Variants in RALYL observed in about 807,000 individuals in gnomAD.
RALYL encodes the protein RALY RNA binding protein like.
In RALYL, 29 loss-of-function variants were observed where a neutral mutation model predicts 35.1. The ratio of observed to expected loss-of-function variants is 0.83; its 90% CI spans 0.61 to 1.13. The LOEUF (loss-of-function observed/expected upper bound fraction) is 1.13. Ranked by LOEUF, RALYL falls within the 50% of genes most tolerant of loss-of-function variation. The pLI is 0.00. For synonymous variants in RALYL, 120 were observed against 127.6 expected (o/e 0.94, Z 0.40); for missense variants, 359 against 360.4 (o/e 1.00, Z 0.03).
Position 84,183,826 on chromosome 8 carries a change from C to T in RALYL, c.-622C>T, listed in dbSNP as rs1270334500. The T allele has an allele frequency of 6.6e-6, 1 of 152,464 alleles. No individual in the cohort carries two copies. The highest frequency in any genetic ancestry group is 1.5e-5 in the Non-Finnish European group (1 of 68,026). 9.4% of individuals were successfully genotyped at this position (152,464 alleles called of 1,614,324 possible). A position where few individuals can be genotyped will look rare whatever the true frequency, so the allele number is the denominator to read the frequency against. ...GCGACCGTGCCCGCTGGGAGCGTCT[C>T]CCAAGTCCAGCAAAATGTGCAACTG... On this transcript the variant is annotated 5_prime_UTR_variant, in exon 1 of 9. Transcript: ENST00000521268.
At chr8:84,289,776 AT>A (rs549784177) in intron 1 of RALYL, among the ~76,000 whole-genome samples, 48 of 152,068 alleles carry the variant, frequency 3.2e-4, no homozygotes, top group Admixed American at 2.6e-3. Flanking sequence ...AGTTTTCTAC[AT>A]TTTTTTATAC....
chr8:84,885,777 T>G (rs567254392), intron 7 of RALYL, among the ~76,000 whole-genome samples: 1 of 152,274 alleles, frequency 6.6e-6, no homozygotes, highest in East Asian at 1.9e-4. Context: ...GCCCCATGAG[T>G]GTTGTTCTGT....
intron 1 of RALYL, among the ~76,000 whole-genome samples, chr8:84,423,184 A>C (rs1331012809): frequency 6.6e-6 from 1 of 151,208 alleles, no homozygotes; most frequent in African/African-American, 2.5e-5. Flanking sequence ...GTGGGAGTCT[A>C]AGTCTCTTTG....
intron 2 of RALYL, among the ~76,000 whole-genome samples, chr8:84,677,197 G>T (rs1489076382): frequency 6.6e-6 from 1 of 152,148 alleles, no homozygotes; most frequent in African/African-American, 2.4e-5. Flanking sequence ...AGCCTTCAAA[G>T]CTAAACTTGT....
At chr8:84,374,591 G>A (rs1856553478) in intron 1 of RALYL, among the ~76,000 whole-genome samples, 1 of 151,718 alleles carries the variant, frequency 6.6e-6, no homozygotes, top group African/African-American at 2.4e-5. Flanking sequence ...TGGAGCTGGA[G>A]GCAAACTAAT....
chr8:84,426,784 A>G (rs548720023), intron 1 of RALYL, among the ~76,000 whole-genome samples: 6 of 152,310 alleles, frequency 3.9e-5, no homozygotes, highest in South Asian at 2.1e-4. Context: ...CAGGATGGCT[A>G]TTATCTATAA....
intron 7 of RALYL, among the ~76,000 whole-genome samples, chr8:84,887,392 A>C (rs534574253): frequency 1.1e-4 from 17 of 152,222 alleles, no homozygotes; most frequent in Non-Finnish European, 1.6e-4. Context: ...TAATTCTGTT[A>C]AATAAATATG....
chr8:84,519,854 T>TTACAG (rs1325509953), intron 1 of RALYL, among the ~76,000 whole-genome samples: 6 of 152,206 alleles, frequency 3.9e-5, no homozygotes, highest in Non-Finnish European at 7.3e-5. Context: ...AAATGGGTTT[T>TTACAG]GATTTTTACA....
chr8:84,744,086 G>A (rs566842924), intron 2 of RALYL, among the ~76,000 whole-genome samples: 20 of 152,076 alleles, frequency 1.3e-4, no homozygotes, highest in African/African-American at 4.8e-4. Context: ...GGTTAAAGTA[G>A]CAACTTTTGT....
rs186618301 is a variant in RALYL, at chr8:84,754,500, T to C, written c.257-20079T>C. On this transcript the variant is annotated intron_variant, in intron 2 of 8. Coordinates refer to ENST00000521268, the MANE Select transcript of RALYL (RefSeq NM_173848.7). The stretch of plus-strand genomic sequence containing the variant: ...TTTCACTTCTCCAGGTAGCATCAGA[T>C]AAGCTGCAAGATTAAGTATAAATGC... Among the ~76,000 whole-genome samples the C allele has an allele frequency of 2.6e-5, 4 of 152,314 alleles. No homozygotes were observed. In the East Asian group the frequency reaches 7.7e-4, roughly 29 times the overall value.
chr8:84,530,300 C>T (rs184448894), intron 2 of RALYL, among the ~76,000 whole-genome samples: 12 of 152,068 alleles, frequency 7.9e-5, no homozygotes, highest in Non-Finnish European at 1.5e-4. Context: ...AATGATTCCT[C>T]AATTTATGTT....
intron 1 of RALYL, among the ~76,000 whole-genome samples, chr8:84,511,888 C>A (rs1477684610): frequency 1.3e-5 from 2 of 152,128 alleles, no homozygotes; most frequent in Non-Finnish European, 2.9e-5. Context: ...CTTTTTATGG[C>A]TAGATAGTAT....
intron 2 of RALYL, among the ~76,000 whole-genome samples, chr8:84,739,253 T>C (rs1289458600): frequency 2.6e-5 from 4 of 151,978 alleles, no homozygotes; most frequent in Non-Finnish European, 5.9e-5. Context: ...ATGCTTTTGT[T>C]GGTTCATAAA....
At chr8:84,419,383 T>C (rs1174388937) in intron 1 of RALYL, among the ~76,000 whole-genome samples, 2 of 152,130 alleles carry the variant, frequency 1.3e-5, no homozygotes. Flanking sequence ...GTTTCCTTTG[T>C]TCTGCCTGGA....
At chr8:84,426,471 T>TGGGGG (rs941642595) in intron 1 of RALYL, among the ~76,000 whole-genome samples, 1 of 147,608 alleles carries the variant, frequency 6.8e-6, no homozygotes. Flanking sequence ...TGTGTGTGTG[T>TGGGGG]GTGGGTTTAG....
chr8:84,303,109 A>G (rs936844787), intron 1 of RALYL, among the ~76,000 whole-genome samples: 11 of 152,220 alleles, frequency 7.2e-5, no homozygotes, highest in Admixed American at 1.3e-4. Context: ...ATATGTGTCT[A>G]TCTCTCACTA....
At chr8:84,354,147 A>T (rs542475166) in intron 1 of RALYL, among the ~76,000 whole-genome samples, 2 of 149,926 alleles carry the variant, frequency 1.3e-5, no homozygotes, top group East Asian at 1.9e-4. Flanking sequence ...TAAGAATTAC[A>T]ATTTGCATAA....
intron 2 of RALYL, among the ~76,000 whole-genome samples, chr8:84,747,513 A>C (rs1236470405): frequency 6.6e-6 from 1 of 151,910 alleles, no homozygotes; most frequent in African/African-American, 2.4e-5. Flanking sequence ...TATGACATTA[A>C]ATATGTAACT....
At position 84,863,625 on chromosome 8, in the gene RALYL, C is replaced by T. The variant is rs549435188; in HGVS notation, c.571+1172C>T. On this transcript the variant is annotated intron_variant, in intron 6 of 8. Coordinates refer to ENST00000521268, the MANE Select transcript of RALYL (RefSeq NM_173848.7). Reference sequence around the variant, plus strand: ...AGTTCTTATGCCTATGTGCTATCTGCTGTAGAACACTGCCTTTTATTTCAG... The same window carrying T: ...AGTTCTTATGCCTATGTGCTATCTGTTGTAGAACACTGCCTTTTATTTCAG... Among the ~76,000 whole-genome samples the T allele has an allele frequency of 5.3e-5, 8 of 152,280 alleles. No individual in the cohort carries two copies. The East Asian group carries it at 1.5e-3, about 29-fold the overall frequency.
Sources: allele counts gnomAD v4.1 joint callset (sites outside exome capture counted in the v4.1 genomes callset), GRCh38; gene constraint gnomAD v4.1.1; transcripts MANE v1.5; gene names NCBI Gene and HGNC (gene_info 2026-07-23, HGNC 2026-07-21).